The following GRIN2A variants were observed in gnomAD, a reference collection of about 807,000 sequenced individuals.
GRIN2A encodes the protein glutamate receptor ionotropic, NMDA 2A.
In GRIN2A, 22 loss-of-function variants were observed where a neutral mutation model predicts 113.4. The observed-to-expected ratio is 0.19, with a 90% CI of 0.14 to 0.28. The LOEUF (loss-of-function observed/expected upper bound fraction) is 0.28, where lower values mean the gene tolerates loss of function less well. GRIN2A is among the 10% of genes least tolerant of loss of function. The probability of loss-of-function intolerance (pLI) is 1.00; values close to 1 mark genes in which losing one functional copy is unlikely to be tolerated. For missense variants in GRIN2A, 1,502 were observed against 1,887.0 expected, an observed-to-expected ratio of 0.80 and a Z score of 3.78; for synonymous variants, 827 against 738.4, an observed-to-expected ratio of 1.12 and a Z score of -1.94.
Position 9,793,783 on chromosome 16 carries a change from GAATA to G in GRIN2A, c.2356+4490_2356+4493del, listed in dbSNP as rs1224374707. Among the ~76,000 whole-genome samples the G allele has an allele frequency of 2.6e-5, 4 of 151,050 alleles. No homozygotes were observed. In the East Asian group the frequency reaches 7.7e-4, roughly 29 times the overall value. The stretch of plus-strand genomic sequence containing the variant: ...TATGTATATATATACACATACATAA[GAATA>G]TATACCACATACATAACACATGTGT... On this transcript the variant is annotated intron_variant, in intron 11 of 12. Coordinates refer to ENST00000330684, the MANE Select transcript of GRIN2A (RefSeq NM_001134407.3).
chr16:10,029,825 C>T (rs1401868250), intron 2 of GRIN2A, among the ~76,000 whole-genome samples: 8 of 151,796 alleles, frequency 5.3e-5, no homozygotes, highest in African/African-American at 1.7e-4. Context: ...GGTAAAACCC[C>T]GTCTCTACTA....
intron 2 of GRIN2A, among the ~76,000 whole-genome samples, chr16:10,114,096 G>A (rs1048760972): frequency 6.6e-6 from 1 of 152,130 alleles, no homozygotes; most frequent in Non-Finnish European, 1.5e-5. Context: ...GGAGGCTGAG[G>A]CAAGAAAAAT....
intron 2 of GRIN2A, among the ~76,000 whole-genome samples, chr16:10,071,285 A>G (rs1228909710): frequency 1.3e-5 from 2 of 152,188 alleles, no homozygotes; most frequent in African/African-American, 4.8e-5. Context: ...GCAATGTAGG[A>G]AGCTTATTGG....
chr16:10,179,901 A>T (rs1483424492), intron 2 of GRIN2A, 97 bp downstream of exon 2: 2 of 769,436 alleles, frequency 2.6e-6, no homozygotes, highest in South Asian at 1.4e-5. Context: ...CCCACTTCAC[A>T]TCAAGACAGA....
chr16:9,772,039 T>TA (rs1567285069), intron 11 of GRIN2A, among the ~76,000 whole-genome samples: 3 of 152,080 alleles, frequency 2.0e-5, no homozygotes, highest in South Asian at 2.1e-4. Context: ...GAGTTTTTTT[T>TA]TAAAAAAATA....
intron 10 of GRIN2A, among the ~76,000 whole-genome samples, chr16:9,816,674 T>C (rs1171154747): frequency 1.3e-5 from 2 of 152,210 alleles, no homozygotes; most frequent in African/African-American, 4.8e-5. Flanking sequence ...TCTAAATCTG[T>C]CTCCACTCAT....
intron 2 of GRIN2A, among the ~76,000 whole-genome samples, chr16:10,008,027 G>A (rs1311065467): frequency 2.0e-5 from 3 of 152,082 alleles, no homozygotes; most frequent in East Asian, 1.9e-4. Flanking sequence ...AGTTAAATTC[G>A]ATCTTGGACA....
chr16:9,823,061 TCCC>T (rs1408246337), intron 9 of GRIN2A, among the ~76,000 whole-genome samples: 6 of 152,032 alleles, frequency 3.9e-5, no homozygotes, highest in Non-Finnish European at 7.4e-5. Context: ...TGAGCCAGAG[TCCC>T]TGTTGATCTT....
At chr16:9,832,933 C>G (rs554121684) in intron 8 of GRIN2A, among the ~76,000 whole-genome samples, 1 of 152,180 alleles carries the variant, frequency 6.6e-6, no homozygotes, top group Admixed American at 6.5e-5. Context: ...AATAGATTCC[C>G]ATGACCTGTT....
chr16:10,040,729 C>T (rs74632430), intron 2 of GRIN2A, among the ~76,000 whole-genome samples: 33,417 of 152,214 alleles, frequency 0.22, 3,812 homozygotes, highest in East Asian at 0.35. Context: ...AGGCACACTG[C>T]ACACACTCCC....
intron 3 of GRIN2A, among the ~76,000 whole-genome samples, chr16:9,904,465 G>T (rs867788496): frequency 2.6e-5 from 4 of 152,194 alleles, no homozygotes; most frequent in Middle Eastern, 3.4e-3. Context: ...TCCACCTCCC[G>T]GGTTCAAGCA....
chr16:9,882,836 C>A (rs77599428), intron 4 of GRIN2A, among the ~76,000 whole-genome samples: 4,310 of 152,080 alleles, frequency 0.028, 208 homozygotes, highest in African/African-American at 0.099. Flanking sequence ...ATGCCTATAC[C>A]CTGAGTTCTA....
intron 2 of GRIN2A, among the ~76,000 whole-genome samples, chr16:10,053,689 G>A (rs930489418): frequency 1.3e-5 from 2 of 152,166 alleles, no homozygotes; most frequent in African/African-American, 4.8e-5. Flanking sequence ...CTGTTACAAC[G>A]TCCTTCTGTT....
chr16:9,839,509 A>T (rs925047401), intron 7 of GRIN2A, among the ~76,000 whole-genome samples: 22 of 152,198 alleles, frequency 1.4e-4, no homozygotes, highest in African/African-American at 5.3e-4. Context: ...ATTAATTTTA[A>T]ATCAGCATAT....
chr16:9,894,288 T>C (rs1433650453), intron 3 of GRIN2A, among the ~76,000 whole-genome samples: 1 of 152,168 alleles, frequency 6.6e-6, no homozygotes, highest in Non-Finnish European at 1.5e-5. Flanking sequence ...AGGGTTTGGA[T>C]TTGTTCAGAA....
intron 2 of GRIN2A, among the ~76,000 whole-genome samples, chr16:10,124,919 C>T (rs564418573): frequency 9.9e-5 from 15 of 152,238 alleles, no homozygotes; most frequent in South Asian, 6.2e-4. Flanking sequence ...AAGAAGTCAT[C>T]GTCAACCAGT....
At chr16:10,039,639 G>T (rs1339659644) in intron 2 of GRIN2A, among the ~76,000 whole-genome samples, 1 of 151,758 alleles carries the variant, frequency 6.6e-6, no homozygotes, top group Admixed American at 6.6e-5. Flanking sequence ...TGCGCGGGGA[G>T]GGTCCGCACC....
At position 10,130,397 on chromosome 16, in the gene GRIN2A, T is replaced by C. The variant is rs189536255; in HGVS notation, c.414+49601A>G. ...CTTAGAATTAATAGAATTTTCGAGCTGAGCAGATCTTTGGGCTCAAAAGGG... is the reference window on the plus strand; with the variant it reads ...CTTAGAATTAATAGAATTTTCGAGCCGAGCAGATCTTTGGGCTCAAAAGGG... On this transcript the variant is annotated intron_variant, in intron 2 of 12. Coordinates refer to ENST00000330684, the MANE Select transcript of GRIN2A (RefSeq NM_001134407.3). Among the ~76,000 whole-genome samples the C allele has an allele frequency of 1.9e-3, 297 of 152,360 alleles. 5 individuals are homozygous for C. The highest frequency in any genetic ancestry group is 0.016 in the Admixed American group (243 of 15,304).
chr16:9,963,680 A>C (rs1052847505), intron 2 of GRIN2A, among the ~76,000 whole-genome samples: 1 of 152,224 alleles, frequency 6.6e-6, no homozygotes, highest in Non-Finnish European at 1.5e-5. Context: ...TGAAACATAA[A>C]CAAAAGGCTT....
Sources: gnomAD v4.1 joint callset for allele counts (sites outside exome capture counted in the v4.1 genomes callset) on GRCh38, gnomAD v4.1.1 for gene constraint, MANE v1.5 for transcripts, NCBI Gene and HGNC (gene_info 2026-07-23, HGNC 2026-07-21) for gene names.